Variants in UIMC1 observed in about 807,000 individuals in gnomAD.
The protein encoded by UIMC1 is BRCA1-A complex subunit RAP80.
UIMC1 carries 42 observed loss-of-function variants against 84.9 expected under a neutral mutation model. The ratio of observed to expected loss-of-function variants is 0.49; its 90% confidence interval spans 0.39 to 0.64. The LOEUF is 0.64. Among genes scored for constraint, UIMC1 ranks in the 30% least tolerant of loss-of-function variants. The pLI is 0.00. For missense variants in UIMC1, 825 were observed against 847.6 expected (o/e 0.97, Z 0.33); for synonymous variants, 281 against 293.0 (o/e 0.96, Z 0.42).
At chr5:176,934,556 C>T (rs1378852298) in intron 10 of UIMC1, among the ~76,000 whole-genome samples, 1 of 152,236 alleles carries the variant, frequency 6.6e-6, no homozygotes, top group South Asian at 2.1e-4. Flanking sequence ...CTGCCTCACT[C>T]TGGACTTGTG....
intron 1 of UIMC1, among the ~76,000 whole-genome samples, chr5:176,996,138 C>T (rs1177444677): frequency 6.6e-6 from 1 of 152,078 alleles, no homozygotes; most frequent in Non-Finnish European, 1.5e-5. Context: ...ATGCATCCAA[C>T]GACACAGATG....
intron 6 of UIMC1, among the ~76,000 whole-genome samples, chr5:176,966,686 C>T (rs539330307): frequency 6.6e-6 from 1 of 152,122 alleles, no homozygotes; most frequent in Admixed American, 6.5e-5. Context: ...AAAAAGCAAA[C>T]TAAATGTACC....
chr5:176,942,205 G>A (rs1331258227), intron 10 of UIMC1, among the ~76,000 whole-genome samples: 1 of 151,876 alleles, frequency 6.6e-6, no homozygotes, highest in Admixed American at 6.6e-5. Flanking sequence ...ATGATATGTA[G>A]GACATGAATG....
chr5:176,914,344 G>A (rs1407517043), intron 10 of UIMC1, among the ~76,000 whole-genome samples: 1 of 152,036 alleles, frequency 6.6e-6, no homozygotes, highest in Non-Finnish European at 1.5e-5. Flanking sequence ...AAGTCACTAG[G>A]GAAAAATGGT....
chr5:176,944,023 T>C (rs977298094), intron 9 of UIMC1, among the ~76,000 whole-genome samples: 8 of 152,178 alleles, frequency 5.3e-5, no homozygotes, highest in Admixed American at 2.0e-4. Flanking sequence ...GTTTCACATT[T>C]TGCATATCAA....
chr5:176,933,928 C>T (rs1763419484), intron 10 of UIMC1, among the ~76,000 whole-genome samples: 2 of 152,116 alleles, frequency 1.3e-5, no homozygotes, highest in African/African-American at 4.8e-5. Context: ...CTCCCTTACT[C>T]CACCAATCAC....
chr5:176,925,298 C>T (rs1439605238), intron 10 of UIMC1, among the ~76,000 whole-genome samples: 3 of 152,068 alleles, frequency 2.0e-5, no homozygotes, highest in African/African-American at 7.2e-5. Context: ...CATTACATGA[C>T]TACCAGAATG....
chr5:176,963,710 G>A (rs1767887099), intron 6 of UIMC1, among the ~76,000 whole-genome samples: 1 of 151,774 alleles, frequency 6.6e-6, no homozygotes, highest in Admixed American at 6.6e-5. Context: ...GTAGATACAG[G>A]TCTGAGTATT....
At chr5:176,916,412 C>T (rs1760985226) in intron 10 of UIMC1, among the ~76,000 whole-genome samples, 1 of 152,170 alleles carries the variant, frequency 6.6e-6, no homozygotes, top group South Asian at 2.1e-4. Flanking sequence ...TGTGGCTTGG[C>T]ACTGTTAAGA....
chr5:176,918,125 A>G (rs1052537731), intron 10 of UIMC1, among the ~76,000 whole-genome samples: 5 of 152,226 alleles, frequency 3.3e-5, no homozygotes, highest in African/African-American at 4.8e-5. Flanking sequence ...AACCAGGACC[A>G]ATCCTATTAT....
chr5:176,938,503 T>C (rs536787258), intron 10 of UIMC1, among the ~76,000 whole-genome samples: 1 of 152,310 alleles, frequency 6.6e-6, no homozygotes, highest in East Asian at 1.9e-4. Context: ...CCAAGCTCTG[T>C]TCCCAGGAAA....
In UIMC1 at chr5:176,943,750, A is replaced by G. The variant is rs369484551; in HGVS notation, c.1444-262T>C. Reference sequence around the variant, plus strand: ...ATATATTACTCATTTATATGTAAGTATATTTATACTGACAACTATGTATTA... The same window carrying G: ...ATATATTACTCATTTATATGTAAGTGTATTTATACTGACAACTATGTATTA... On this transcript the variant is annotated intron_variant, in intron 9 of 14. Coordinates refer to ENST00000511320, the MANE Select transcript of UIMC1 (RefSeq NM_001199298.2). Among the ~76,000 whole-genome samples, 37 of 152,382 alleles carry G rather than the reference A, an allele frequency of 2.4e-4. 1 individual carries two copies. The South Asian group carries it at 3.5e-3, about 14-fold the overall frequency.
intron 13 of UIMC1, 38 bp from the exon 14 acceptor site, chr5:176,906,085 G>A: frequency 6.2e-7 from 1 of 1,600,186 alleles, no homozygotes; most frequent in Non-Finnish European, 8.5e-7. Context: ...GTTGGTAGTA[G>A]TGTTGGTAAT....
At chr5:177,016,458 G>A (rs1173934938) in intron 1 of UIMC1, among the ~76,000 whole-genome samples, 3 of 152,086 alleles carry the variant, frequency 2.0e-5, no homozygotes, top group African/African-American at 4.8e-5. Flanking sequence ...TTGGGAGGCC[G>A]AGGCGGGCGG....
intron 10 of UIMC1, among the ~76,000 whole-genome samples, chr5:176,942,201 T>C (rs760879452): frequency 2.0e-5 from 3 of 152,094 alleles, no homozygotes; most frequent in Non-Finnish European, 4.4e-5. Context: ...AGATATGATA[T>C]GTAGGACATG....
At chr5:176,975,268 T>G in intron 3 of UIMC1, 128 bp downstream of exon 3, 1 of 898,752 alleles carries the variant, frequency 1.1e-6, no homozygotes. Context: ...CAACAAAAAC[T>G]GATAAATTCA....
In UIMC1 at chr5:176,987,495, A is replaced by G. The variant is rs530258964; in HGVS notation, c.-8-4872T>C. 4.6e-5 allele frequency among the ~76,000 whole-genome samples: 7 copies of G among 151,866 alleles called. No homozygotes were observed. In the East Asian group the frequency reaches 1.4e-3, roughly 29 times the overall value. ...ACCCCATCTCTACCAAAAAATAAAA[A>G]TAAAAAAACTAGCCAGGCATGGTGG... On this transcript the variant is annotated intron_variant, in intron 1 of 14. Coordinates refer to ENST00000511320, the MANE Select transcript of UIMC1 (RefSeq NM_001199298.2).
At chr5:176,922,131 C>G (rs1268266534) in intron 10 of UIMC1, among the ~76,000 whole-genome samples, 1 of 151,918 alleles carries the variant, frequency 6.6e-6, no homozygotes, top group Non-Finnish European at 1.5e-5. Flanking sequence ...TCTAGTCACT[C>G]TCCATCCCCT....
At chr5:176,912,125 A>G (rs1375144257) in intron 10 of UIMC1, among the ~76,000 whole-genome samples, 2 of 152,202 alleles carry the variant, frequency 1.3e-5, no homozygotes, top group Admixed American at 6.5e-5. Context: ...CCCACAACAG[A>G]TAATTTAGCA....
Sources: gnomAD v4.1 joint callset for allele counts (sites outside exome capture counted in the v4.1 genomes callset) on GRCh38, gnomAD v4.1.1 for gene constraint, MANE v1.5 for transcripts, NCBI Gene and HGNC (gene_info 2026-07-23, HGNC 2026-07-21) for gene names.